Variants in TRDMT1 observed in about 807,000 individuals in gnomAD.
TRDMT1 encodes tRNA aspartic acid methyltransferase 1.
TRDMT1 carries 49 observed loss-of-function variants against 51.2 expected under a neutral mutation model. The ratio of observed to expected loss-of-function variants is 0.96; its 90% CI spans 0.76 to 1.21. The LOEUF (loss-of-function observed/expected upper bound fraction) is 1.21, where lower values mean the gene tolerates loss of function less well. Ranked by LOEUF, TRDMT1 falls within the 50% of genes most tolerant of loss-of-function variation. The probability of loss-of-function intolerance (pLI) is 0.00; values close to 1 mark genes in which losing one functional copy is unlikely to be tolerated. For synonymous variants in TRDMT1, 187 were observed against 164.6 expected, an observed-to-expected ratio of 1.14 and a Z score of -1.04; for missense variants, 534 against 462.3, an observed-to-expected ratio of 1.16 and a Z score of -1.42.
At position 17,192,463 on chromosome 10, in the gene TRDMT1, C is replaced by A. The variant is rs188781338; in HGVS notation, c.64+9108G>T. ...AGTTGGCTAATATGTATAGCCCTGG[C>A]GCATCTTTTCTTTCACAACCCCAGC... On this transcript the variant is annotated intron_variant, in intron 1 of 10. Transcript: ENST00000377799. 7.1e-4 allele frequency among the ~76,000 whole-genome samples: 108 copies of A among 152,312 alleles called. No individual in the cohort carries two copies. In the Middle Eastern group the frequency reaches 0.014, roughly 19 times the overall value.
chr10:17,191,562 A>G (rs1844684632), intron 1 of TRDMT1, among the ~76,000 whole-genome samples: 1 of 152,136 alleles, frequency 6.6e-6, no homozygotes, highest in Admixed American at 6.5e-5. Context: ...TGCTCTGGCA[A>G]TGAGGGATTT....
intron 7 of TRDMT1, 31 bp from the exon 8 acceptor site, chr10:17,157,815 A>G (rs763220380): frequency 1.3e-6 from 2 of 1,482,576 alleles, no homozygotes; most frequent in South Asian, 2.6e-5. Context: ...ACAAATTGTC[A>G]AAAGTTGCAT....
At position 17,145,738 on chromosome 10, in the gene TRDMT1, C is replaced by T. The variant is rs12241572; in HGVS notation, c.*3302G>A. ...TTTAGAAACCGCTTGTTTCTAAACT[C>T]TTAAGTTATCAAAGCAAAAGAGCAA... is the stretch of plus-strand genomic sequence containing the variant. On this transcript the variant is annotated 3_prime_UTR_variant, in exon 11 of 11. Transcript: ENST00000377799. 14,466 of 985,366 alleles carry T rather than the reference C, an allele frequency of 0.015. 1,585 individuals carry two copies. The African/African-American group carries it at 0.23, about 16-fold the overall frequency. 61.0% of individuals were successfully genotyped at this position (985,366 alleles called of 1,614,324 possible).
Position 17,145,504 on chromosome 10 carries a change from G to A in TRDMT1, c.*3536C>T. On this transcript the variant is annotated 3_prime_UTR_variant, in exon 11 of 11. Coordinates refer to ENST00000377799, the MANE Select transcript of TRDMT1 (RefSeq NM_004412.7). ...TCACAGGCTACAAGAAAACTGCTGAGGCTATATGACCCTCACACAGTTTCA... is the reference window on the plus strand; with the variant it reads ...TCACAGGCTACAAGAAAACTGCTGAAGCTATATGACCCTCACACAGTTTCA... The A allele has an allele frequency of 2.0e-6, 2 of 985,404 alleles. No individual in the cohort carries two copies. Among genetic ancestry groups the A allele is most frequent in the Non-Finnish European group, 2.4e-6 (2 of 829,932 alleles). The allele number at this position is 985,404 out of a possible 1,614,324, so 61.0% of individuals were successfully genotyped here. A position where few individuals can be genotyped will look rare whatever the true frequency, so the allele number is the denominator to read the frequency against.
In TRDMT1 at chr10:17,147,351, T is replaced by C; in HGVS notation, c.*1689A>G. ...CCCTACATTCATATTTATCTATGAG[T>C]TCTGAAAAATTGGTAATAGAGTATG... On this transcript the variant is annotated 3_prime_UTR_variant, in exon 11 of 11. Transcript: ENST00000377799. 7.1e-6 allele frequency: 7 copies of C among 985,246 alleles called. No homozygotes were observed. Among genetic ancestry groups the C allele is most frequent in the Non-Finnish European group, 8.4e-6 (7 of 829,728 alleles). The allele number at this position is 985,246 out of a possible 1,614,324, so 61.0% of individuals were successfully genotyped here.
rs990197115 is a variant in TRDMT1, at chr10:17,153,745, C to G, written c.946-109G>C. The G allele has an allele frequency of 2.0e-5, 24 of 1,212,810 alleles. No individual in the cohort carries two copies. The African/African-American group carries it at 3.5e-4, about 18-fold the overall frequency. The allele number at this position is 1,212,810 out of a possible 1,614,324, so 75.1% of individuals were successfully genotyped here. A position where few individuals can be genotyped will look rare whatever the true frequency, so the allele number is the denominator to read the frequency against. On this transcript the variant is annotated intron_variant, in intron 9 of 10. Transcript: ENST00000377799. ...TGGACATACAGTCTGCTGTAACACA[C>G]AGTGGCAAAGTGCACAGGGCAAAAT...
chr10:17,161,408 T>C (rs1361932535), intron 5 of TRDMT1, 75 bp downstream of exon 5: 2 of 1,135,886 alleles, frequency 1.8e-6, no homozygotes, highest in African/African-American at 1.6e-5. Flanking sequence ...GTTTTTAAGA[T>C]TTTTATTTCA....
At chr10:17,169,240 C>T in intron 2 of TRDMT1, 2 of 854,626 alleles carry the variant, frequency 2.3e-6, no homozygotes, top group Non-Finnish European at 3.1e-6. Context: ...TAGAGTAAAA[C>T]GTGGAGAACC....
chr10:17,151,944 C>A, intron 10 of TRDMT1: 1 of 1,212,238 alleles, frequency 8.2e-7, no homozygotes, highest in South Asian at 1.5e-5. Flanking sequence ...ATCATTCAGT[C>A]TGACTCTGGG....
intron 1 of TRDMT1, among the ~76,000 whole-genome samples, chr10:17,192,068 C>T (rs1326891082): frequency 6.6e-5 from 10 of 152,060 alleles, no homozygotes; most frequent in Non-Finnish European, 7.4e-5. Flanking sequence ...CAAGCAAATC[C>T]GGGCAGCGCA....
chr10:17,201,397 G>A lies in TRDMT1; in HGVS notation c.64+174C>T, dbSNP rs79935551. On this transcript the variant is annotated intron_variant, in intron 1 of 10. Coordinates refer to ENST00000377799, the MANE Select transcript of TRDMT1 (RefSeq NM_004412.7). ...CAGGAGAAGGGAGTCAGCGTCTGGAGGGGTGGACACGGCGGCGCGCAGGAG... is the reference window on the plus strand; with the variant it reads ...CAGGAGAAGGGAGTCAGCGTCTGGAAGGGTGGACACGGCGGCGCGCAGGAG... The A allele has an allele frequency of 9.3e-3, 5,372 of 580,492 alleles. 210 individuals carry two copies. In the African/African-American group the frequency reaches 0.094, roughly 10 times the overall value. 36.0% of individuals were successfully genotyped at this position (580,492 alleles called of 1,614,324 possible). A position where few individuals can be genotyped will look rare whatever the true frequency, so the allele number is the denominator to read the frequency against.
intron 1 of TRDMT1, among the ~76,000 whole-genome samples, chr10:17,183,699 G>A (rs1235492644): frequency 6.6e-6 from 1 of 152,172 alleles, no homozygotes; most frequent in Admixed American, 6.5e-5. Flanking sequence ...TTACAGGCAT[G>A]AGCCACCGCA....
chr10:17,168,795 G>T, intron 3 of TRDMT1, 46 bp downstream of exon 3: 2 of 1,360,496 alleles, frequency 1.5e-6, no homozygotes, highest in Admixed American at 1.8e-5. Flanking sequence ...TTTATCAGCA[G>T]CATGAAAATG....
intron 1 of TRDMT1, among the ~76,000 whole-genome samples, chr10:17,178,008 T>C (rs975062127): frequency 3.3e-5 from 5 of 152,188 alleles, no homozygotes; most frequent in Admixed American, 1.3e-4. Flanking sequence ...ATAATGCAGT[T>C]TGAAGTTTTG....
chr10:17,151,006 C>A lies in TRDMT1; in HGVS notation c.1076-1866G>T, dbSNP rs924686194. 4.4e-5 allele frequency: 43 copies of A among 981,124 alleles called. No individual in the cohort carries two copies. The African/African-American group carries it at 6.5e-4, about 15-fold the overall frequency. The allele number at this position is 981,124 out of a possible 1,614,324, so 60.8% of individuals were successfully genotyped here. On this transcript the variant is annotated intron_variant, in intron 10 of 10. Coordinates refer to ENST00000377799, the MANE Select transcript of TRDMT1 (RefSeq NM_004412.7). ...TACAAATTATATCTATGTGTGTGTGCATGTGTGTGTGTGTGCGTGCATCTG... is the reference window on the plus strand; with the variant it reads ...TACAAATTATATCTATGTGTGTGTGAATGTGTGTGTGTGTGCGTGCATCTG...
intron 1 of TRDMT1, among the ~76,000 whole-genome samples, chr10:17,199,715 T>C (rs1368007883): frequency 1.3e-5 from 2 of 152,224 alleles, no homozygotes; most frequent in East Asian, 3.9e-4. Flanking sequence ...ACTGTGCAAA[T>C]GATCATGCTG....
chr10:17,166,868 A>T (rs773729843), intron 3 of TRDMT1, among the ~76,000 whole-genome samples: 1 of 152,098 alleles, frequency 6.6e-6, no homozygotes, highest in Non-Finnish European at 1.5e-5. Context: ...TATCCTGCTC[A>T]CTGTACTCCA....
intron 1 of TRDMT1, among the ~76,000 whole-genome samples, chr10:17,176,290 A>G (rs1164856708): frequency 6.6e-6 from 1 of 152,198 alleles, no homozygotes; most frequent in Non-Finnish European, 1.5e-5. Context: ...CCATATATGA[A>G]GCAAACTGGG....
intron 1 of TRDMT1, among the ~76,000 whole-genome samples, chr10:17,197,745 C>T (rs1312207602): frequency 6.6e-6 from 1 of 152,158 alleles, no homozygotes; most frequent in African/African-American, 2.4e-5. Context: ...TGAAAAGACC[C>T]TCAACAACCC....
Sources: allele counts gnomAD v4.1 joint callset (sites outside exome capture counted in the v4.1 genomes callset), GRCh38; gene constraint gnomAD v4.1.1; transcripts MANE v1.5; gene names NCBI Gene and HGNC (gene_info 2026-07-23, HGNC 2026-07-21).